The following PALS2 variants were observed in gnomAD, a reference collection of about 807,000 sequenced individuals.
PALS2 encodes the protein protein associated with LIN7 2, MAGUK p55 family member.
PALS2 carries 27 observed loss-of-function variants against 61.6 expected under a neutral mutation model. The observed-to-expected ratio is 0.44, with a 90% CI of 0.32 to 0.60. The LOEUF (loss-of-function observed/expected upper bound fraction) is 0.60. Among genes scored for constraint, PALS2 ranks in the 20% least tolerant of loss-of-function variants. The probability of loss-of-function intolerance (pLI) is 0.05; values close to 1 mark genes in which losing one functional copy is unlikely to be tolerated. For synonymous variants in PALS2, 236 were observed against 218.6 expected (o/e 1.08, Z -0.70); for missense variants, 554 against 639.4 (o/e 0.87, Z 1.44).
intron 2 of PALS2, among the ~76,000 whole-genome samples, chr7:24,631,901 T>C (rs916594193): frequency 6.6e-5 from 10 of 152,240 alleles, no homozygotes; most frequent in African/African-American, 2.4e-4. Context: ...ATAGATCACC[T>C]TGTCATGTAA....
chr7:24,686,637 T>G (rs1372567065), intron 11 of PALS2, among the ~76,000 whole-genome samples: 1 of 152,232 alleles, frequency 6.6e-6, no homozygotes, highest in East Asian at 1.9e-4. Flanking sequence ...TTGGTATTTC[T>G]TATGTTTATT....
intron 1 of PALS2, among the ~76,000 whole-genome samples, chr7:24,599,006 C>A (rs1477430763): frequency 1.3e-5 from 2 of 152,088 alleles, no homozygotes; most frequent in African/African-American, 2.4e-5. Flanking sequence ...AAAAAACACA[C>A]CGAGTGTTGA....
intron 6 of PALS2, among the ~76,000 whole-genome samples, chr7:24,665,159 C>G (rs1786948508): frequency 1.3e-5 from 2 of 152,144 alleles, no homozygotes; most frequent in Non-Finnish European, 1.5e-5. Flanking sequence ...AAAATCTACA[C>G]TTTATATTCC....
At chr7:24,587,392 T>A (rs187244808) in intron 1 of PALS2, among the ~76,000 whole-genome samples, 2,502 of 152,092 alleles carry the variant, frequency 0.016, 73 homozygotes, top group African/African-American at 0.054. Flanking sequence ...ATTTAAAAAA[T>A]TTTTTTAGAC....
intron 1 of PALS2, among the ~76,000 whole-genome samples, chr7:24,613,893 C>G (rs1784200631): frequency 6.6e-6 from 1 of 151,882 alleles, no homozygotes; most frequent in Non-Finnish European, 1.5e-5. Flanking sequence ...CAGTTCCATC[C>G]AGGTTGCTGC....
chr7:24,622,310 T>C (rs1195168369), intron 1 of PALS2, among the ~76,000 whole-genome samples: 1 of 151,996 alleles, frequency 6.6e-6, no homozygotes, highest in Non-Finnish European at 1.5e-5. Context: ...ACATGGGATG[T>C]CATTCCCTTT....
At chr7:24,676,125 C>G (rs1787573831) in intron 9 of PALS2, among the ~76,000 whole-genome samples, 3 of 151,602 alleles carry the variant, frequency 2.0e-5, no homozygotes, top group African/African-American at 7.3e-5. Flanking sequence ...TTTTGATTTG[C>G]ATTTCTCTGA....
chr7:24,603,300 C>T (rs1783782322), intron 1 of PALS2, among the ~76,000 whole-genome samples: 1 of 152,188 alleles, frequency 6.6e-6, no homozygotes, highest in Non-Finnish European at 1.5e-5. Flanking sequence ...TGACTTGATT[C>T]AGGCTAGGGA....
chr7:24,663,825 A>AT, intron 6 of PALS2, 104 bp downstream of exon 6: 1 of 1,378,752 alleles, frequency 7.3e-7, no homozygotes, highest in Non-Finnish European at 1.0e-6. Context: ...TGTTACAATG[A>AT]TTTTTCCCAC....
intron 3 of PALS2, 57 bp downstream of exon 3, chr7:24,641,925 T>C: frequency 1.3e-6 from 2 of 1,534,982 alleles, no homozygotes; most frequent in Non-Finnish European, 1.8e-6. Flanking sequence ...GTATTCTCCT[T>C]TACTTTCCAG....
intron 1 of PALS2, among the ~76,000 whole-genome samples, chr7:24,602,977 G>A (rs1010243435): frequency 6.6e-6 from 1 of 152,156 alleles, no homozygotes; most frequent in African/African-American, 2.4e-5. Context: ...CACCATGATT[G>A]TAAGTTTCCT....
intron 5 of PALS2, among the ~76,000 whole-genome samples, chr7:24,657,648 C>G (rs955545485): frequency 6.6e-6 from 1 of 152,158 alleles, no homozygotes; most frequent in Admixed American, 6.5e-5. Context: ...CAGTCTCTAT[C>G]TTGTCTTTTC....
intron 5 of PALS2, among the ~76,000 whole-genome samples, chr7:24,658,484 T>C (rs1477482682): frequency 6.6e-6 from 1 of 152,210 alleles, no homozygotes; most frequent in Admixed American, 6.5e-5. Context: ...TTTGATTGGC[T>C]GCCAGGCATC....
At chr7:24,637,690 T>C (rs1409908689) in intron 2 of PALS2, among the ~76,000 whole-genome samples, 2 of 152,358 alleles carry the variant, frequency 1.3e-5, no homozygotes, top group Admixed American at 1.3e-4. Context: ...ACTTTAGATA[T>C]AGCCCACAAC....
intron 1 of PALS2, among the ~76,000 whole-genome samples, chr7:24,622,900 T>G (rs543222695): frequency 5.5e-4 from 83 of 152,030 alleles, no homozygotes; most frequent in African/African-American, 1.9e-3. Flanking sequence ...GAAAGAGTTT[T>G]GGGTTTTGTC....
At chr7:24,650,457 T>G (rs770005635) in intron 4 of PALS2, 28 bp from the exon 5 acceptor site, 11 of 1,489,184 alleles carry the variant, frequency 7.4e-6, no homozygotes, top group East Asian at 2.3e-5. Context: ...TAATAATTAA[T>G]GAGAAATCTG....
At chr7:24,630,071 C>G (rs1181364359) in intron 2 of PALS2, among the ~76,000 whole-genome samples, 2 of 152,110 alleles carry the variant, frequency 1.3e-5, no homozygotes, top group African/African-American at 2.4e-5. Context: ...AGACTTGGAA[C>G]CAACCCAAAT....
At chr7:24,674,959 T>G (rs534943468) in intron 9 of PALS2, among the ~76,000 whole-genome samples, 1 of 152,206 alleles carries the variant, frequency 6.6e-6, no homozygotes, top group Non-Finnish European at 1.5e-5. Flanking sequence ...AAAAAATTAC[T>G]TCTAAAAAAT....
chr7:24,620,757 G>A (rs1331679122), intron 1 of PALS2, among the ~76,000 whole-genome samples: 1 of 152,126 alleles, frequency 6.6e-6, no homozygotes, highest in Non-Finnish European at 1.5e-5. Flanking sequence ...TGGTTATGTT[G>A]TTTAAAAGGA....
Sources: allele counts gnomAD v4.1 joint callset (sites outside exome capture counted in the v4.1 genomes callset), GRCh38; gene constraint gnomAD v4.1.1; transcripts MANE v1.5; gene names NCBI Gene and HGNC (gene_info 2026-07-23, HGNC 2026-07-21).